Variants in CSMD1 observed in about 807,000 individuals in gnomAD.
The protein encoded by CSMD1 is CUB and Sushi multiple domains 1.
A neutral mutation model predicts 417.5 loss-of-function variants in CSMD1; 213 were observed. That is an observed-to-expected ratio of 0.51 (90% CI 0.46 to 0.57). CSMD1 has a LOEUF of 0.57. CSMD1 is among the 20% of genes least tolerant of loss of function. The probability of loss-of-function intolerance (pLI) is 0.00; values close to 1 mark genes in which losing one functional copy is unlikely to be tolerated. For missense variants in CSMD1, 6,923 were observed against 4,529.7 expected (o/e 1.53, Z -15.17); for synonymous variants, 2,862 against 1,736.8 (o/e 1.65, Z -16.11).
intron 5 of CSMD1, among the ~76,000 whole-genome samples, chr8:3,797,911 C>T (rs1048822544): frequency 4.6e-5 from 7 of 152,022 alleles, no homozygotes; most frequent in African/African-American, 1.7e-4. Context: ...TCCCTGTCAA[C>T]ATTTGATATT....
At chr8:4,280,510 A>G (rs896802079) in intron 3 of CSMD1, among the ~76,000 whole-genome samples, 1 of 152,240 alleles carries the variant, frequency 6.6e-6, no homozygotes, top group African/African-American at 2.4e-5. Context: ...AAATTAAAAT[A>G]TACAAGCAAA....
intron 8 of CSMD1, among the ~76,000 whole-genome samples, chr8:3,597,811 G>A (rs532969461): frequency 6.6e-6 from 1 of 152,042 alleles, no homozygotes; most frequent in East Asian, 1.9e-4. Context: ...ACAGGGAGGG[G>A]AACATCACAC....
chr8:3,748,892 T>C (rs1429329534), intron 6 of CSMD1, among the ~76,000 whole-genome samples: 7 of 152,230 alleles, frequency 4.6e-5, no homozygotes, highest in Non-Finnish European at 8.8e-5. Flanking sequence ...AGGGTTTCCC[T>C]TGATTTATGA....
chr8:3,953,146 T>C (rs187594939), intron 5 of CSMD1, among the ~76,000 whole-genome samples: 166 of 152,036 alleles, frequency 1.1e-3, no homozygotes, highest in African/African-American at 3.8e-3. Context: ...AAAAATACCA[T>C]TTATAAAAAA....
At chr8:3,182,629 T>C (rs1356323113) in intron 36 of CSMD1, among the ~76,000 whole-genome samples, 1 of 45,126 alleles carries the variant, frequency 2.2e-5, no homozygotes, top group Non-Finnish European at 5.4e-5. Context: ...TGTGTGTGTG[T>C]GTGTATTGTT....
At chr8:3,849,645 C>T (rs962028220) in intron 5 of CSMD1, among the ~76,000 whole-genome samples, 1 of 152,050 alleles carries the variant, frequency 6.6e-6, no homozygotes, top group East Asian at 1.9e-4. Context: ...GGAACAAGGT[C>T]GAAGTCCCCA....
chr8:3,056,282 C>A (rs942177442), intron 49 of CSMD1, among the ~76,000 whole-genome samples: 2 of 152,196 alleles, frequency 1.3e-5, no homozygotes, highest in Non-Finnish European at 1.5e-5. Flanking sequence ...ATACCACAAA[C>A]CCCACATGGG....
At chr8:4,528,400 G>A (rs1277680503) in intron 2 of CSMD1, among the ~76,000 whole-genome samples, 1 of 152,048 alleles carries the variant, frequency 6.6e-6, no homozygotes, top group Non-Finnish European at 1.5e-5. Flanking sequence ...GAAGGTAAGT[G>A]GAATATGCAA....
At chr8:4,429,744 G>C (rs747465869) in intron 2 of CSMD1, among the ~76,000 whole-genome samples, 1 of 152,078 alleles carries the variant, frequency 6.6e-6, no homozygotes, top group Admixed American at 6.6e-5. Flanking sequence ...ACCCACAGCC[G>C]TATGCTGAGA....
chr8:3,540,359 C>A (rs115330923), intron 10 of CSMD1, among the ~76,000 whole-genome samples: 1,758 of 152,218 alleles, frequency 0.012, 40 homozygotes, highest in African/African-American at 0.04. Flanking sequence ...TATACAGAAT[C>A]TCCTTTAAAA....
At chr8:3,503,555 G>A (rs1015734674) in intron 10 of CSMD1, among the ~76,000 whole-genome samples, 2 of 152,334 alleles carry the variant, frequency 1.3e-5, no homozygotes, top group South Asian at 2.1e-4. Context: ...GGACCTTTAA[G>A]TATTACTGAC....
At chr8:3,471,929 G>A (rs1563071298) in intron 11 of CSMD1, among the ~76,000 whole-genome samples, 1 of 152,126 alleles carries the variant, frequency 6.6e-6, no homozygotes. Flanking sequence ...CATGCAAAAC[G>A]AGTCGAGGAG....
At chr8:4,102,618 C>T (rs896984545) in intron 3 of CSMD1, among the ~76,000 whole-genome samples, 4 of 152,174 alleles carry the variant, frequency 2.6e-5, no homozygotes, top group African/African-American at 9.7e-5. Flanking sequence ...ACTCAAATGC[C>T]TCCTGTTCTT....
At chr8:2,950,429 G>C (rs1292533998) in intron 66 of CSMD1, 86 bp from the exon 67 acceptor site, 9 of 787,666 alleles carry the variant, frequency 1.1e-5, no homozygotes, top group Non-Finnish European at 2.0e-5. Flanking sequence ...ATGTGGTACG[G>C]AGATGATAAT....
chr8:3,271,157 C>A (rs1024242888), intron 26 of CSMD1, among the ~76,000 whole-genome samples: 8 of 148,694 alleles, frequency 5.4e-5, no homozygotes, highest in African/African-American at 2.0e-4. Context: ...CAGTTCCCAC[C>A]TTTGAGTGAG....
chr8:3,717,513 T>G (rs538166526), intron 6 of CSMD1, among the ~76,000 whole-genome samples: 16 of 152,198 alleles, frequency 1.1e-4, no homozygotes, highest in African/African-American at 1.7e-4. Flanking sequence ...AACAGGGTCC[T>G]TGTCACATGG....
intron 5 of CSMD1, among the ~76,000 whole-genome samples, chr8:3,973,338 T>C (rs553326342): frequency 7.9e-5 from 12 of 152,298 alleles, no homozygotes; most frequent in South Asian, 6.2e-4. Context: ...CTCTGCTTGG[T>C]GCTAGATAGA....
rs141952440 is a variant in CSMD1, at chr8:3,983,369, A to G, written c.818+14534T>C. Among the ~76,000 whole-genome samples, 784 of 152,000 alleles carry G rather than the reference A, an allele frequency of 5.2e-3. 6 individuals carry two copies. The highest frequency in any genetic ancestry group is 0.016 in the African/African-American group (678 of 41,472). ...ATGGTCTCCATCTCCTGACCTCGTG[A>G]TCCCTCTTTCTTGCCCTCCCAAATT... On this transcript the variant is annotated intron_variant, in intron 5 of 69. Transcript: ENST00000635120.
intron 11 of CSMD1, among the ~76,000 whole-genome samples, chr8:3,480,710 A>T (rs1011504520): frequency 6.6e-6 from 1 of 152,208 alleles, no homozygotes; most frequent in African/African-American, 2.4e-5. Context: ...ACAGGATAAA[A>T]CTACTTCAAT....
Sources: gnomAD v4.1 joint callset for allele counts (sites outside exome capture counted in the v4.1 genomes callset) on GRCh38, gnomAD v4.1.1 for gene constraint, MANE v1.5 for transcripts, NCBI Gene and HGNC (gene_info 2026-07-23, HGNC 2026-07-21) for gene names.